ME1: variants seen among roughly 807,000 people sequenced by gnomAD.
The protein encoded by ME1 is NADP-dependent malic enzyme.
A neutral mutation model predicts 66.4 loss-of-function variants in ME1; 74 were observed. That is an observed-to-expected ratio of 1.11 (90% CI 0.92 to 1.35). The LOEUF is 1.35. ME1 is among the 40% of genes most tolerant of loss of function. The probability of loss-of-function intolerance (pLI) is 0.00; values close to 1 mark genes in which losing one functional copy is unlikely to be tolerated. For synonymous variants in ME1, 251 were observed against 235.6 expected (o/e 1.07, Z -0.60); for missense variants, 750 against 694.1 (o/e 1.08, Z -0.90).
rs1315671328 is a variant in ME1 at position 83,398,476 on chromosome 6, G to A, written c.253C>T (p.Leu85Phe). Residue 85 changes from leucine (L) to phenylalanine (F), a missense_variant, in exon 3 of 14, where the codon CTC becomes TTC. Leu to Phe is a conservative substitution (Grantham distance 22). Coordinates refer to ENST00000369705, the MANE Select transcript of ME1 (RefSeq NM_002395.6). ...LMDLQDRNEKLFYRVLTSDIE... is the reference protein window; with the variant it reads ...LMDLQDRNEKFFYRVLTSDIE... ...TCAGATGTCAGCACTCTATAAAAGAGTTTTTCATTTCTATCTTGGAGATCC... is the reference window on the plus strand; with the variant it reads ...TCAGATGTCAGCACTCTATAAAAGAATTTTTCATTTCTATCTTGGAGATCC... The A allele has an allele frequency of 1.9e-6, 3 of 1,578,280 alleles. No individual in the cohort carries two copies. The Admixed American group carries it at 5.3e-5, about 28-fold the overall frequency.
intron 3 of ME1, among the ~76,000 whole-genome samples, chr6:83,371,793 A>G (rs1335772314): frequency 6.6e-6 from 1 of 152,190 alleles, no homozygotes; most frequent in African/African-American, 2.4e-5. Flanking sequence ...ATCTGTCACT[A>G]GTTTCCTTCA....
At chr6:83,240,992 A>C (rs1485187595) in intron 7 of ME1, among the ~76,000 whole-genome samples, 6 of 152,272 alleles carry the variant, frequency 3.9e-5, no homozygotes, top group Non-Finnish European at 8.8e-5. Flanking sequence ...GTGCTAAGTC[A>C]TATATTATGA....
intron 6 of ME1, among the ~76,000 whole-genome samples, chr6:83,301,381 C>T (rs992176429): frequency 2.1e-4 from 32 of 151,786 alleles, no homozygotes; most frequent in African/African-American, 7.5e-4. Context: ...TGTGCTCAGT[C>T]GCCCAGACTA....
intron 6 of ME1, among the ~76,000 whole-genome samples, chr6:83,313,080 T>C (rs1414868094): frequency 6.6e-6 from 1 of 152,168 alleles, no homozygotes; most frequent in Non-Finnish European, 1.5e-5. Context: ...TAATAAACTC[T>C]ATCTCAGAGT....
Position 83,278,070 on chromosome 6 carries a change from CA to C in ME1, c.705-24333del, listed in dbSNP as rs1457968142. 1.1e-4 allele frequency among the ~76,000 whole-genome samples: 17 copies of C among 152,128 alleles called. No homozygotes were observed. In the East Asian group the frequency reaches 3.3e-3, roughly 29 times the overall value. The stretch of plus-strand genomic sequence containing the variant: ...CTTGGAAACTGTTACTCCCATCTCA[CA>C]AGAAAAATGCTGAACAAACTACACG... On this transcript the variant is annotated intron_variant, in intron 6 of 13. Coordinates refer to ENST00000369705, the MANE Select transcript of ME1 (RefSeq NM_002395.6).
intron 6 of ME1, among the ~76,000 whole-genome samples, chr6:83,284,145 T>C (rs1767355841): frequency 6.6e-6 from 1 of 152,118 alleles, no homozygotes; most frequent in Admixed American, 6.5e-5. Flanking sequence ...AGAAAATGGA[T>C]AAATTCCTGG....
chr6:83,263,658 A>G (rs1481128780), intron 6 of ME1, among the ~76,000 whole-genome samples: 1 of 152,100 alleles, frequency 6.6e-6, no homozygotes. Context: ...CTTCAATTCT[A>G]TAAAGGCTGA....
chr6:83,265,774 T>C (rs1041476032), intron 6 of ME1, among the ~76,000 whole-genome samples: 1 of 152,208 alleles, frequency 6.6e-6, no homozygotes, highest in Non-Finnish European at 1.5e-5. Context: ...ACCATATATT[T>C]ATGCAATGAT....
intron 9 of ME1, among the ~76,000 whole-genome samples, chr6:83,233,324 T>TA (rs961221463): frequency 6.6e-6 from 1 of 152,190 alleles, no homozygotes; most frequent in South Asian, 2.1e-4. Flanking sequence ...TTTTCCACTA[T>TA]AAAAAACTAA....
chr6:83,321,592 C>T (rs1053064548), intron 5 of ME1, among the ~76,000 whole-genome samples: 5 of 152,144 alleles, frequency 3.3e-5, no homozygotes, highest in Non-Finnish European at 5.9e-5. Flanking sequence ...AGCCAAACTG[C>T]CTCTCTAGAT....
chr6:83,316,215 AG>A (rs1179792433), intron 5 of ME1, among the ~76,000 whole-genome samples: 1 of 152,156 alleles, frequency 6.6e-6, no homozygotes, highest in Non-Finnish European at 1.5e-5. Flanking sequence ...AGCCTTTACT[AG>A]TGTTTTCTTA....
intron 1 of ME1, among the ~76,000 whole-genome samples, chr6:83,409,141 T>G (rs1361851392): frequency 3.9e-5 from 6 of 152,184 alleles, no homozygotes; most frequent in Non-Finnish European, 7.4e-5. Flanking sequence ...ACACCAAATT[T>G]GCAGTACCTT....
intron 6 of ME1, among the ~76,000 whole-genome samples, chr6:83,276,026 T>G (rs1227513783): frequency 1.3e-5 from 2 of 152,042 alleles, no homozygotes; most frequent in African/African-American, 4.8e-5. Context: ...CGTCTCGGTC[T>G]CCGGAACTGC....
At chr6:83,298,915 A>G (rs1196002492) in intron 6 of ME1, among the ~76,000 whole-genome samples, 3 of 79,066 alleles carry the variant, frequency 3.8e-5, no homozygotes, top group African/African-American at 1.5e-4. Flanking sequence ...ATGCTGTTCC[A>G]TTAGTCTATG....
At chr6:83,375,308 C>A (rs796733046) in intron 3 of ME1, among the ~76,000 whole-genome samples, 1 of 152,140 alleles carries the variant, frequency 6.6e-6, no homozygotes, top group East Asian at 1.9e-4. Flanking sequence ...AGAGGTCCTT[C>A]GCATCCCTTG....
At chr6:83,415,444 A>G (rs752842296) in intron 1 of ME1, among the ~76,000 whole-genome samples, 5 of 152,192 alleles carry the variant, frequency 3.3e-5, no homozygotes, top group Non-Finnish European at 7.4e-5. Context: ...TATACTATTC[A>G]TATTTGTATG....
chr6:83,227,908 C>T (rs912262127), intron 10 of ME1, among the ~76,000 whole-genome samples: 15 of 152,132 alleles, frequency 9.9e-5, no homozygotes, highest in African/African-American at 3.6e-4. Context: ...AAGTACCACC[C>T]ACTGAAGTAA....
chr6:83,374,779 A>G (rs776309344), intron 3 of ME1, among the ~76,000 whole-genome samples: 8 of 152,108 alleles, frequency 5.3e-5, no homozygotes, highest in Non-Finnish European at 7.4e-5. Context: ...TGTGTAAGGT[A>G]TAAGGAAGGG....
intron 6 of ME1, among the ~76,000 whole-genome samples, chr6:83,295,512 AT>A (rs1027708011): frequency 2.7e-4 from 40 of 150,292 alleles, no homozygotes; most frequent in East Asian, 9.8e-4. Flanking sequence ...CAATAAATCT[AT>A]TTTTTTTTTC....
Sources: allele counts gnomAD v4.1 joint callset (sites outside exome capture counted in the v4.1 genomes callset), GRCh38; gene constraint gnomAD v4.1.1; transcripts MANE v1.5; gene names NCBI Gene and HGNC (gene_info 2026-07-23, HGNC 2026-07-21).